DNAH6: variants seen among roughly 807,000 people sequenced by gnomAD.
The protein encoded by DNAH6 is axonemal beta dynein heavy chain 6.
Under a neutral mutation model 491.4 loss-of-function variants are expected in DNAH6, and 340 were observed. The ratio of observed to expected loss-of-function variants is 0.69; its 90% CI spans 0.63 to 0.76. The LOEUF (loss-of-function observed/expected upper bound fraction) is 0.76. Ranked by LOEUF, DNAH6 falls within the 30% of genes least tolerant of loss-of-function variation. DNAH6 has a pLI of 0.00. For missense variants in DNAH6, 4,443 were observed against 4,972.2 expected, an observed-to-expected ratio of 0.89 and a Z score of 3.20; for synonymous variants, 1,603 against 1,686.1, an observed-to-expected ratio of 0.95 and a Z score of 1.21.
intron 33 of DNAH6, among the ~76,000 whole-genome samples, chr2:84,651,527 GCTGGGCTGCCCCTTTC>G (rs768642933): frequency 2.8e-4 from 42 of 151,920 alleles, no homozygotes; most frequent in African/African-American, 7.3e-4. Context: ...TTTCTGTCTT[GCTGGGCTGCCCCTTTC>G]CTGGGCTGCC....
intron 45 of DNAH6, among the ~76,000 whole-genome samples, chr2:84,689,438 G>A (rs1181699033): frequency 1.3e-5 from 2 of 152,064 alleles, no homozygotes; most frequent in African/African-American, 4.8e-5. Flanking sequence ...TAATCAGACC[G>A]CCGCTGGAGT....
chr2:84,699,842 C>A, intron 48 of DNAH6, 108 bp downstream of exon 48: 2 of 1,067,490 alleles, frequency 1.9e-6, no homozygotes, highest in Non-Finnish European at 2.6e-6. Flanking sequence ...AGCTTTAAAG[C>A]CTACTAGGAA....
chr2:84,641,922 A>G, intron 32 of DNAH6, 25 bp from the exon 33 acceptor site: 1 of 1,522,958 alleles, frequency 6.6e-7, no homozygotes, highest in Non-Finnish European at 8.9e-7. Context: ...TTGTGATATT[A>G]TCCGAAATAT....
intron 2 of DNAH6, among the ~76,000 whole-genome samples, chr2:84,518,637 G>A (rs1484576636): frequency 6.6e-6 from 1 of 152,130 alleles, no homozygotes; most frequent in Non-Finnish European, 1.5e-5. Context: ...ATCACTAACC[G>A]TTGATGATTA....
chr2:84,720,529 C>T (rs1028395420), intron 59 of DNAH6, among the ~76,000 whole-genome samples: 73 of 152,010 alleles, frequency 4.8e-4, no homozygotes, highest in African/African-American at 1.7e-3. Flanking sequence ...CCGCCCGCCT[C>T]GGCCTCCCAA....
At chr2:84,561,067 G>T (rs1476925865) in intron 11 of DNAH6, among the ~76,000 whole-genome samples, 1 of 151,854 alleles carries the variant, frequency 6.6e-6, no homozygotes, top group South Asian at 2.1e-4. Context: ...CTAGTTTACA[G>T]TCCCACCAAC....
chr2:84,716,150 C>CAT (rs1046348127), intron 58 of DNAH6, among the ~76,000 whole-genome samples: 1 of 148,764 alleles, frequency 6.7e-6, no homozygotes, highest in Non-Finnish European at 1.5e-5. Context: ...CATATATATA[C>CAT]ATATATATGG....
chr2:84,639,832 T>C (rs1689222209), intron 31 of DNAH6, among the ~76,000 whole-genome samples: 1 of 152,188 alleles, frequency 6.6e-6, no homozygotes, highest in South Asian at 2.1e-4. Flanking sequence ...TTCTAAATTC[T>C]GCATCTGAGG....
At chr2:84,544,002 C>A (rs1422716204) in intron 4 of DNAH6, among the ~76,000 whole-genome samples, 3 of 152,080 alleles carry the variant, frequency 2.0e-5, no homozygotes, top group Non-Finnish European at 4.4e-5. Context: ...TAACTGAAAT[C>A]ATCAAGCCAA....
intron 4 of DNAH6, among the ~76,000 whole-genome samples, chr2:84,542,312 TAGAG>T (rs2104514013): frequency 6.6e-6 from 1 of 152,318 alleles, no homozygotes; most frequent in South Asian, 2.1e-4. Flanking sequence ...TTTTACATTT[TAGAG>T]AGAATCACCC....
At chr2:84,534,915 A>G (rs1233741902) in intron 4 of DNAH6, among the ~76,000 whole-genome samples, 1 of 152,072 alleles carries the variant, frequency 6.6e-6, no homozygotes, top group Non-Finnish European at 1.5e-5. Context: ...AAATAGAATA[A>G]CAGATTTAGC....
At chr2:84,522,100 C>T (rs1473336307) in intron 2 of DNAH6, among the ~76,000 whole-genome samples, 2 of 151,972 alleles carry the variant, frequency 1.3e-5, no homozygotes, top group African/African-American at 2.4e-5. Context: ...CTTCCTATCA[C>T]GGAGAGCATG....
the DNAH6 span, among the ~76,000 whole-genome samples, chr2:84,475,273 A>G: frequency 2.0e-5 from 3 of 152,190 alleles, no homozygotes; most frequent in Non-Finnish European, 4.4e-5. Context: ...CTGCTGAGGC[A>G]GGGGACAATT....
At chr2:84,660,781 A>G (rs186603141) in intron 37 of DNAH6, among the ~76,000 whole-genome samples, 116 of 152,260 alleles carry the variant, frequency 7.6e-4, no homozygotes, top group African/African-American at 2.7e-3. Context: ...TCTAATCATG[A>G]GGTTACACCT....
chr2:84,537,065 C>T (rs1677764778), intron 4 of DNAH6, among the ~76,000 whole-genome samples: 1 of 151,928 alleles, frequency 6.6e-6, no homozygotes, highest in African/African-American at 2.4e-5. Flanking sequence ...TTATAACATT[C>T]AAAGTTTGAG....
chr2:84,779,570 G>T (rs1676475551), intron 64 of DNAH6, among the ~76,000 whole-genome samples: 1 of 152,100 alleles, frequency 6.6e-6, no homozygotes, highest in African/African-American at 2.4e-5. Context: ...AGATGGTTGG[G>T]TCTTATTTTT....
chr2:84,621,603 G>T (rs1687401882), intron 26 of DNAH6, 52 bp downstream of exon 26: 4 of 1,145,672 alleles, frequency 3.5e-6, no homozygotes. Context: ...GTCTTGGTGG[G>T]TTTTTTTTTA....
At chr2:84,711,914 C>T (rs1400904056) in intron 56 of DNAH6, among the ~76,000 whole-genome samples, 1 of 152,242 alleles carries the variant, frequency 6.6e-6, no homozygotes, top group East Asian at 1.9e-4. Context: ...ACGAGAGATC[C>T]TGAGGGACTT....
At chr2:84,672,579 A>T (rs1411382982) in intron 40 of DNAH6, 95 bp downstream of exon 40, 1 of 1,163,868 alleles carries the variant, frequency 8.6e-7, no homozygotes, top group African/African-American at 1.6e-5. Context: ...AAAGTACCAC[A>T]GATGGGGTGG....
Sources: gnomAD v4.1 joint callset for allele counts (sites outside exome capture counted in the v4.1 genomes callset) on GRCh38, gnomAD v4.1.1 for gene constraint, MANE v1.5 for transcripts, NCBI Gene and HGNC (gene_info 2026-07-23, HGNC 2026-07-21) for gene names.